ITSN1: variants seen among roughly 807,000 people sequenced by gnomAD.
ITSN1 encodes the protein intersectin-1.
A neutral mutation model predicts 239.8 loss-of-function variants in ITSN1; 58 were observed. That is an observed-to-expected ratio of 0.24 (90% CI 0.20 to 0.30). The LOEUF is 0.30. Among genes scored for constraint, ITSN1 ranks in the 10% least tolerant of loss-of-function variants. ITSN1 has a pLI of 1.00. For missense variants in ITSN1, 1,558 were observed against 2,103.3 expected (o/e 0.74, Z 5.07); for synonymous variants, 780 against 770.8 (o/e 1.01, Z -0.20).
intron 16 of ITSN1, among the ~76,000 whole-genome samples, chr21:33,793,997 A>C (rs189092245): frequency 9.0e-4 from 137 of 152,342 alleles, no homozygotes; most frequent in Non-Finnish European, 1.0e-3. Context: ...AGTTTTATTC[A>C]TGATCATCGT....
At chr21:33,649,160 C>T (rs1025813024) in intron 1 of ITSN1, among the ~76,000 whole-genome samples, 2 of 151,982 alleles carry the variant, frequency 1.3e-5, no homozygotes, top group African/African-American at 2.4e-5. Context: ...TCCATGTTGG[C>T]GAGTTTGGAG....
Position 33,898,498 on chromosome 21 carries a change from G to A in ITSN1, c.*10198G>A, listed in dbSNP as rs1986912528. On this transcript the variant is annotated 3_prime_UTR_variant, in exon 40 of 40. Transcript: ENST00000381318. ...CTTTCTGTACTTGGCCACCAGAAGT[G>A]CCCCTTAGGCCACCTAAGGAGGATT... is the stretch of plus-strand genomic sequence containing the variant. 1 of 152,222 alleles carries A rather than the reference G, an allele frequency of 6.6e-6. No homozygotes were observed. The highest frequency in any genetic ancestry group is 1.5e-5 in the Non-Finnish European group (1 of 68,056). 9.4% of individuals were successfully genotyped at this position (152,222 alleles called of 1,614,324 possible).
intron 29 of ITSN1, among the ~76,000 whole-genome samples, chr21:33,855,072 A>C (rs747488889): frequency 1.4e-4 from 21 of 152,204 alleles, no homozygotes; most frequent in African/African-American, 2.2e-4. Context: ...CTCTGATATC[A>C]TTTGGCCCAG....
At chr21:33,856,993 A>G in intron 30 of ITSN1, 136 bp downstream of exon 30, 1 of 795,878 alleles carries the variant, frequency 1.3e-6, no homozygotes, top group Non-Finnish European at 2.0e-6. Context: ...CTGGATGGCA[A>G]ATGCTATAGG....
At chr21:33,773,911 C>G (rs1276423213) in intron 12 of ITSN1, among the ~76,000 whole-genome samples, 1 of 152,070 alleles carries the variant, frequency 6.6e-6, no homozygotes, top group Admixed American at 6.5e-5. Context: ...AACTCCTGAC[C>G]TCAGGTGATC....
chr21:33,850,598 C>T (rs545538318), intron 29 of ITSN1, among the ~76,000 whole-genome samples: 3 of 152,338 alleles, frequency 2.0e-5, no homozygotes, highest in African/African-American at 7.2e-5. Flanking sequence ...CCCGGACTGC[C>T]TCCTTCTCAC....
intron 1 of ITSN1, among the ~76,000 whole-genome samples, chr21:33,664,752 T>C (rs1490957611): frequency 6.6e-6 from 1 of 152,236 alleles, no homozygotes; most frequent in Non-Finnish European, 1.5e-5. Context: ...TTGTTATTAT[T>C]CTTATCACCT....
chr21:33,844,351 G>T (rs1207617800), intron 29 of ITSN1, among the ~76,000 whole-genome samples: 1 of 152,206 alleles, frequency 6.6e-6, no homozygotes, highest in African/African-American at 2.4e-5. Flanking sequence ...GCTTTTAAAT[G>T]TCACGTCTGG....
chr21:33,740,283 GAT>G (rs369615805), intron 5 of ITSN1, among the ~76,000 whole-genome samples: 14 of 152,270 alleles, frequency 9.2e-5, no homozygotes, highest in African/African-American at 3.4e-4. Flanking sequence ...GGGCAGTTTG[GAT>G]ATGGAGAGCA....
At chr21:33,746,535 A>G (rs1431398927) in intron 5 of ITSN1, among the ~76,000 whole-genome samples, 3 of 152,246 alleles carry the variant, frequency 2.0e-5, no homozygotes, top group South Asian at 4.1e-4. Context: ...AAGTATGACA[A>G]TTGATGTGAA....
intron 34 of ITSN1, among the ~76,000 whole-genome samples, chr21:33,878,248 G>T (rs1984332221): frequency 6.6e-6 from 1 of 152,054 alleles, no homozygotes; most frequent in Non-Finnish European, 1.5e-5. Context: ...GCCCAGGCTG[G>T]TCTCAAACTC....
chr21:33,833,886 AAAAG>A (rs1319789646), intron 27 of ITSN1, among the ~76,000 whole-genome samples: 2 of 151,902 alleles, frequency 1.3e-5, no homozygotes, highest in Non-Finnish European at 2.9e-5. Flanking sequence ...AAAAAAAAAA[AAAAG>A]AAGTACTCAG....
intron 5 of ITSN1, among the ~76,000 whole-genome samples, chr21:33,737,150 C>G: frequency 6.6e-6 from 1 of 152,180 alleles, no homozygotes; most frequent in East Asian, 1.9e-4. Context: ...CCATTTAATT[C>G]ATTTTCTCTT....
chr21:33,676,184 C>T (rs1265246128), intron 1 of ITSN1, among the ~76,000 whole-genome samples: 6 of 151,988 alleles, frequency 3.9e-5, no homozygotes, highest in East Asian at 1.9e-4. Context: ...GGTTTCACCA[C>T]GTTGGTCAGG....
chr21:33,834,323 G>A lies in ITSN1; in HGVS notation c.3368G>A (p.Arg1123His). ...EGELQARGKK[R>H]QIGWFPANYV... Reference sequence around the variant, plus strand: ...TCTTACTAGGCACGTGGGAAAAAGCGCCAGATAGGCTGGTTCCCAGCTAAT... The same window carrying A: ...TCTTACTAGGCACGTGGGAAAAAGCACCAGATAGGCTGGTTCCCAGCTAAT... Residue 1123 changes from arginine to histidine, a missense_variant, in exon 28 of 40, where the codon CGC becomes CAC. Coordinates refer to ENST00000381318, the MANE Select transcript of ITSN1 (RefSeq NM_003024.3). The A allele has an allele frequency of 6.2e-7, 1 of 1,613,790 alleles. No individual in the cohort carries two copies. The highest frequency in any genetic ancestry group is 8.5e-7 in the Non-Finnish European group (1 of 1,179,784).
intron 1 of ITSN1, among the ~76,000 whole-genome samples, chr21:33,671,427 C>T (rs2090270168): frequency 6.6e-6 from 1 of 151,954 alleles, no homozygotes; most frequent in South Asian, 2.1e-4. Flanking sequence ...GCTGGGATTA[C>T]AGGCGCCGGC....
At chr21:33,837,777 CTG>C in intron 29 of ITSN1, 5 of 985,848 alleles carry the variant, frequency 5.1e-6, no homozygotes, top group Non-Finnish European at 6.0e-6. Context: ...AGAAAGCACT[CTG>C]TGTTTTTGTT....
chr21:33,744,253 CAAAT>C (rs141671658), intron 5 of ITSN1, among the ~76,000 whole-genome samples: 2,591 of 152,156 alleles, frequency 0.017, 82 homozygotes, highest in African/African-American at 0.059. Context: ...GTGGTAAAAA[CAAAT>C]AAGTAATTAC....
chr21:33,764,197 CTT>C lies in ITSN1; in HGVS notation c.789-1677_789-1676del, dbSNP rs539148259. Among the ~76,000 whole-genome samples the C allele has an allele frequency of 1.8e-3, 268 of 152,282 alleles. 2 individuals carry two copies. Among genetic ancestry groups the C allele is most frequent in the African/African-American group, 6.1e-3 (253 of 41,538 alleles). On this transcript the variant is annotated intron_variant, in intron 9 of 39. Transcript: ENST00000381318. ...TTTATTTTAAATTTCTCATTTATAA[CTT>C]ATCCTATTTGAGAAAAACGCTTGAG...
Sources: gnomAD v4.1 joint callset for allele counts (sites outside exome capture counted in the v4.1 genomes callset) on GRCh38, gnomAD v4.1.1 for gene constraint, MANE v1.5 for transcripts, NCBI Gene and HGNC (gene_info 2026-07-23, HGNC 2026-07-21) for gene names.